ATP10B: variants seen among roughly 807,000 people sequenced by gnomAD.
ATP10B encodes the protein phospholipid-transporting ATPase VB.
A neutral mutation model predicts 141.2 loss-of-function variants in ATP10B; 122 were observed. The ratio of observed to expected loss-of-function variants is 0.86; its 90% CI spans 0.75 to 1.00. ATP10B has a LOEUF of 1.00. Ranked by LOEUF, ATP10B falls within the 50% of genes least tolerant of loss-of-function variation. The probability of loss-of-function intolerance (pLI) is 0.00; values close to 1 mark genes in which losing one functional copy is unlikely to be tolerated. For synonymous variants in ATP10B, 685 were observed against 692.0 expected (o/e 0.99, Z 0.16); for missense variants, 1,876 against 1,825.3 (o/e 1.03, Z -0.51).
intron 6 of ATP10B, among the ~76,000 whole-genome samples, chr5:160,682,961 C>T (rs1333775235): frequency 6.9e-6 from 1 of 144,982 alleles, no homozygotes; most frequent in African/African-American, 2.5e-5. Context: ...ATGGCATGAA[C>T]CCGGGAGGTG....
At chr5:160,637,889 G>T (rs776679846) in intron 10 of ATP10B, among the ~76,000 whole-genome samples, 2 of 152,182 alleles carry the variant, frequency 1.3e-5, no homozygotes, top group African/African-American at 4.8e-5. Flanking sequence ...TGAAGGTACT[G>T]TTATAAAGCA....
upstream of ATP10B, among the ~76,000 whole-genome samples, chr5:160,856,337 A>C (rs943707050): frequency 6.6e-6 from 1 of 151,704 alleles, no homozygotes; most frequent in African/African-American, 2.4e-5. Context: ...AAATAGAATA[A>C]ATTTCTGTAT....
chr5:160,720,830 G>A (rs1561787567), intron 2 of ATP10B, among the ~76,000 whole-genome samples: 1 of 152,170 alleles, frequency 6.6e-6, no homozygotes, highest in Non-Finnish European at 1.5e-5. Flanking sequence ...AGCTTTGGTA[G>A]AGAAGCATAT....
At chr5:160,678,720 A>G in intron 6 of ATP10B, among the ~76,000 whole-genome samples, 1 of 152,234 alleles carries the variant, frequency 6.6e-6, no homozygotes, top group East Asian at 1.9e-4. Flanking sequence ...CAATTTATAA[A>G]GATAATCTCA....
the ATP10B span, among the ~76,000 whole-genome samples, chr5:160,924,823 C>T: frequency 3.9e-5 from 6 of 152,160 alleles, no homozygotes; most frequent in Admixed American, 3.3e-4. Flanking sequence ...CTGAAAGAGG[C>T]CCTCAAAATG....
chr5:160,647,360 T>G (rs4921157), intron 8 of ATP10B, among the ~76,000 whole-genome samples: 116,375 of 152,042 alleles, frequency 0.77, 45,372 homozygotes, highest in Middle Eastern at 0.85. Context: ...AGCAAGGAAT[T>G]CTCCTTCATT....
the ATP10B span, among the ~76,000 whole-genome samples, chr5:160,876,646 A>G: frequency 2.0e-5 from 3 of 152,124 alleles, no homozygotes; most frequent in African/African-American, 7.2e-5. Flanking sequence ...TAGCAAGACT[A>G]ATAAAGAAAA....
chr5:160,782,914 T>C (rs1770825081), intron 2 of ATP10B, among the ~76,000 whole-genome samples: 1 of 152,120 alleles, frequency 6.6e-6, no homozygotes, highest in South Asian at 2.1e-4. Flanking sequence ...GTGTTATGTG[T>C]TTATACATAA....
At chr5:160,671,417 G>A (rs900453150) in intron 6 of ATP10B, among the ~76,000 whole-genome samples, 1 of 152,074 alleles carries the variant, frequency 6.6e-6, no homozygotes, top group Non-Finnish European at 1.5e-5. Flanking sequence ...ACTGGGATAT[G>A]GGAAAGATTG....
At chr5:160,864,844 A>G in the ATP10B span, among the ~76,000 whole-genome samples, 1 of 152,070 alleles carries the variant, frequency 6.6e-6, no homozygotes, top group South Asian at 2.1e-4. Flanking sequence ...AAAATAAAAT[A>G]GAATACTTAG....
At chr5:160,870,162 C>T in the ATP10B span, among the ~76,000 whole-genome samples, 1 of 152,042 alleles carries the variant, frequency 6.6e-6, no homozygotes, top group East Asian at 1.9e-4. Context: ...CCATCCTGTC[C>T]CATGCAAGGG....
chr5:160,657,385 C>G (rs2127707562), intron 7 of ATP10B, among the ~76,000 whole-genome samples: 1 of 152,202 alleles, frequency 6.6e-6, no homozygotes, highest in South Asian at 2.1e-4. Flanking sequence ...TCAAGATAAC[C>G]CACAACAGAG....
intron 7 of ATP10B, among the ~76,000 whole-genome samples, chr5:160,651,804 T>C (rs1760761660): frequency 6.6e-6 from 1 of 152,132 alleles, no homozygotes; most frequent in African/African-American, 2.4e-5. Context: ...TCTAAAAATA[T>C]GGCCCTTTTC....
intron 10 of ATP10B, among the ~76,000 whole-genome samples, chr5:160,639,873 A>G (rs1759701290): frequency 2.0e-5 from 3 of 152,198 alleles, no homozygotes; most frequent in Admixed American, 2.0e-4. Flanking sequence ...TTTTTTTGCA[A>G]CTATATGGTC....
intron 19 of ATP10B, 66 bp downstream of exon 19, chr5:160,606,699 T>G: frequency 6.6e-7 from 1 of 1,523,240 alleles, no homozygotes; most frequent in South Asian, 1.2e-5. Flanking sequence ...ACCTCCCACC[T>G]CTGGTCCAGC....
intron 7 of ATP10B, among the ~76,000 whole-genome samples, chr5:160,661,049 G>A (rs1351343493): frequency 1.3e-5 from 2 of 152,116 alleles, no homozygotes; most frequent in African/African-American, 4.8e-5. Context: ...AGCTGGGCAT[G>A]GTGGCACATG....
chr5:160,814,139 C>A (rs1773401484), intron 1 of ATP10B, among the ~76,000 whole-genome samples: 3 of 152,140 alleles, frequency 2.0e-5, no homozygotes, highest in Admixed American at 1.3e-4. Context: ...AGGAGAATGA[C>A]TTTGACAAGT....
chr5:160,628,658 C>T (rs1308533609), intron 13 of ATP10B, among the ~76,000 whole-genome samples: 1 of 152,054 alleles, frequency 6.6e-6, no homozygotes, highest in Non-Finnish European at 1.5e-5. Context: ...CTAACTGGCC[C>T]CAATACAAAT....
At chr5:160,616,084 G>A in intron 16 of ATP10B, 120 bp from the exon 17 acceptor site, 1 of 1,081,034 alleles carries the variant, frequency 9.3e-7, no homozygotes. Flanking sequence ...TAATTAGATG[G>A]GGCTTTCTTC....
Sources: gnomAD v4.1 joint callset for allele counts (sites outside exome capture counted in the v4.1 genomes callset) on GRCh38, gnomAD v4.1.1 for gene constraint, MANE v1.5 for transcripts, NCBI Gene and HGNC (gene_info 2026-07-23, HGNC 2026-07-21) for gene names.